Variants in DLX1 observed in about 807,000 individuals in gnomAD.
The protein encoded by DLX1 is distal-less homeobox 1.
In DLX1, 7 loss-of-function variants were observed where a neutral mutation model predicts 25.0. The observed-to-expected ratio is 0.28, with a 90% CI of 0.16 to 0.52. The LOEUF (loss-of-function observed/expected upper bound fraction) is 0.52. DLX1 is among the 20% of genes least tolerant of loss of function. The probability of loss-of-function intolerance (pLI) is 0.96; values close to 1 mark genes in which losing one functional copy is unlikely to be tolerated. For missense variants in DLX1, 233 were observed against 334.4 expected (o/e 0.70, Z 2.37); for synonymous variants, 155 against 140.3 (o/e 1.10, Z -0.74).
At chr2:172,087,447 C>T in intron 2 of DLX1, 1 of 448,786 alleles carries the variant, frequency 2.2e-6, no homozygotes, top group Non-Finnish European at 4.5e-6. Flanking sequence ...TGGAGCAGAG[C>T]TGGAGAAAGC....
chr2:172,087,563 A>T (rs1308093805), intron 2 of DLX1: 3 of 464,302 alleles, frequency 6.5e-6, no homozygotes, highest in South Asian at 4.6e-5. Flanking sequence ...GATGGCGCAT[A>T]GAAAAGTTGG....
rs895892740 is a variant in DLX1, at chr2:172,087,118, A to G, written c.513+265A>G. 4.2e-5 allele frequency: 29 copies of G among 684,748 alleles called. No homozygotes were observed. The African/African-American group carries it at 4.4e-4, about 10-fold the overall frequency. The allele number at this position is 684,748 out of a possible 1,614,324, so 42.4% of individuals were successfully genotyped here. On this transcript the variant is annotated intron_variant, in intron 2 of 2. Transcript: ENST00000361725. ...ATTAGGGCGCAGGAAGGATTTCCCC[A>G]GACGATTTGTTTGGGAACTCAGAGG...
chr2:172,086,562 C>A, intron 1 of DLX1, 92 bp from the exon 2 acceptor site: 1 of 1,277,636 alleles, frequency 7.8e-7, no homozygotes, highest in Non-Finnish European at 1.1e-6. Context: ...GTGCTGCCTC[C>A]GCCACCCTTC....
intron 1 of DLX1, 133 bp from the exon 2 acceptor site, chr2:172,086,521 C>T (rs1690841947): frequency 1.1e-6 from 1 of 906,926 alleles, no homozygotes; most frequent in Admixed American, 3.2e-5. Flanking sequence ...CCTTCCCTGG[C>T]TTTCAGAGTT....
At position 172,085,849 on chromosome 2, in the gene DLX1, A is replaced by G. The variant is rs1489680807; in HGVS notation, c.172A>G (p.Ser58Gly). The G allele has an allele frequency of 6.2e-7, 1 of 1,614,202 alleles. No homozygotes were observed. The highest frequency in any genetic ancestry group is 1.1e-5 in the South Asian group (1 of 91,090). Residue 58 changes from serine to glycine, a missense_variant, in exon 1 of 3, where the codon AGC becomes GGC. Around this residue, in one of 3 missense-constraint regions of DLX1, gnomAD observed 126 missense variants for 170.4 expected, o/e 0.74. Transcript: ENST00000361725. This position sits in a 1 kb window ranked among gnomAD's most constrained non-coding sequence, Gnocchi z 4.3. ...AGHSQPDGAY[S>G]SASSFSRPLG... ...CCATTCGCAGCCCGACGGCGCCTAC[A>G]GCTCAGCCTCGTCCTTCTCCCGACC...
At chr2:172,087,895 G>A (rs1009487315) in intron 2 of DLX1, 108 bp from the exon 3 acceptor site, 1 of 1,439,486 alleles carries the variant, frequency 6.9e-7, no homozygotes, top group Admixed American at 2.3e-5. Context: ...AGCTGGCGCA[G>A]GGTTGGGAGG....
chr2:172,087,691 A>G (rs1429723309), intron 2 of DLX1: 2 of 591,666 alleles, frequency 3.4e-6, no homozygotes, highest in Non-Finnish European at 6.4e-6. Context: ...CGCAGGCGGT[A>G]GCCACGGTCG....
chr2:172,089,448 T>G lies in DLX1; in HGVS notation c.*1191T>G, dbSNP rs1380021411. ...ACAAGCTTAGCCTTTTTGCGTTCTGTTGTGTGTGGCTGTAAAACCCCATGC... is the reference window on the plus strand; with the variant it reads ...ACAAGCTTAGCCTTTTTGCGTTCTGGTGTGTGTGGCTGTAAAACCCCATGC... On this transcript the variant is annotated 3_prime_UTR_variant, in exon 3 of 3. Coordinates refer to ENST00000361725, the MANE Select transcript of DLX1 (RefSeq NM_178120.5). 6.6e-6 allele frequency: 1 copy of G among 152,634 alleles called. No homozygotes were observed. The highest frequency in any genetic ancestry group is 1.5e-5 in the Non-Finnish European group (1 of 68,036). The allele number at this position is 152,634 out of a possible 1,614,324, so 9.5% of individuals were successfully genotyped here. A position where few individuals can be genotyped will look rare whatever the true frequency, so the allele number is the denominator to read the frequency against.
intron 2 of DLX1, 78 bp downstream of exon 2, chr2:172,086,931 C>A: frequency 6.9e-7 from 1 of 1,457,818 alleles, no homozygotes; most frequent in Non-Finnish European, 9.6e-7. Context: ...ATTTGTTGCT[C>A]GCTGGGACTC....
rs2105523014 is a variant in DLX1, at chr2:172,089,555, C to G, written c.*1298C>G. 1 of 152,654 alleles carries G rather than the reference C, an allele frequency of 6.6e-6. No individual in the cohort carries two copies. Among genetic ancestry groups the G allele is most frequent in the Admixed American group, 6.5e-5 (1 of 15,290 alleles). The allele number at this position is 152,654 out of a possible 1,614,324, so 9.5% of individuals were successfully genotyped here. ...TGAAATCAACTGTGTTTTGTGTTCT[C>G]TATGTCAAAGTTTAGTTTTATATTG... is the stretch of plus-strand genomic sequence containing the variant. On this transcript the variant is annotated 3_prime_UTR_variant, in exon 3 of 3. Coordinates refer to ENST00000361725, the MANE Select transcript of DLX1 (RefSeq NM_178120.5).
At position 172,088,749 on chromosome 2, in the gene DLX1, C is replaced by T. The variant is rs1407367281; in HGVS notation, c.*492C>T. The T allele has an allele frequency of 6.5e-6, 1 of 152,996 alleles. No homozygotes were observed. The highest frequency in any genetic ancestry group is 1.9e-4 in the East Asian group (1 of 5,210). The allele number at this position is 152,996 out of a possible 1,614,324, so 9.5% of individuals were successfully genotyped here. On this transcript the variant is annotated 3_prime_UTR_variant, in exon 3 of 3. Transcript: ENST00000361725. The stretch of plus-strand genomic sequence containing the variant: ...GCCACAAGGTCTGAGCGGCCCGGGT[C>T]CTGCCGGGCTGACCATCTCCGGATC...
chr2:172,086,225 G>A, intron 1 of DLX1: 1 of 570,258 alleles, frequency 1.8e-6, no homozygotes, highest in Non-Finnish European at 3.1e-6. Flanking sequence ...TCCAGCCAAG[G>A]ATAAATCCCA....
At chr2:172,087,171 T>C in intron 2 of DLX1, 2 of 588,466 alleles carry the variant, frequency 3.4e-6, no homozygotes, top group East Asian at 3.8e-5. Context: ...ACTGGAACAA[T>C]AGACTCCGGG....
chr2:172,087,480 G>A (rs528847827), intron 2 of DLX1: 2 of 457,474 alleles, frequency 4.4e-6, no homozygotes, highest in South Asian at 1.5e-5. Flanking sequence ...GTGCAAGAAT[G>A]GTTTTGAATC....
In DLX1 at chr2:172,088,092, C is replaced by T. The variant is rs541299088; in HGVS notation, c.603C>T (p.Asn201=). 13 of 1,594,388 alleles carry T rather than the reference C, an allele frequency of 8.2e-6. No individual in the cohort carries two copies. In the South Asian group the frequency reaches 1.1e-4, roughly 14 times the overall value. The change falls in exon 3 of 3, where the codon AAC becomes AAT. Residue 201 remains asparagine, a synonymous_variant. Coordinates refer to ENST00000361725, the MANE Select transcript of DLX1 (RefSeq NM_178120.5). ...GAALEGSALA[N]GRALSAGSPP... ...CTCTGGAGGGTAGTGCGTTGGCCAA[C>T]GGTCGGGCCCTGTCTGCTGGCTCCC...
At chr2:172,086,908 C>G (rs1559028368) in intron 2 of DLX1, 55 bp downstream of exon 2, 1 of 1,579,566 alleles carries the variant, frequency 6.3e-7, no homozygotes, top group African/African-American at 1.3e-5. Context: ...GGCCGGCCTG[C>G]GCCCGGGTCT....
Position 172,087,999 on chromosome 2 carries a change from G to T in DLX1, c.514-4G>T. On this transcript the variant is annotated splice_polypyrimidine_tract_variant and splice_region_variant and intron_variant, in intron 2 of 2. Coordinates refer to ENST00000361725, the MANE Select transcript of DLX1 (RefSeq NM_178120.5). Reference sequence around the variant, plus strand: ...CTGAGTCACGTTGTTGTCCGCTCTTGCAGGTCAAGATCTGGTTCCAAAACA... The same window carrying T: ...CTGAGTCACGTTGTTGTCCGCTCTTTCAGGTCAAGATCTGGTTCCAAAACA... The T allele has an allele frequency of 2.7e-6, 4 of 1,507,660 alleles. No homozygotes were observed. The highest frequency in any genetic ancestry group is 3.5e-6 in the Non-Finnish European group (4 of 1,128,502). The allele number at this position is 1,507,660 out of a possible 1,614,324, so 93.4% of individuals were successfully genotyped here.
In DLX1 at chr2:172,085,586, A is replaced by G; in HGVS notation, c.-92A>G. ...GAAAGTGAAAACCCCTGTTCCGCTT[A>G]AATTGGGTTCCTTCCTGTCCTGAGA... On this transcript the variant is annotated 5_prime_UTR_variant, in exon 1 of 3. The change abolishes the stop of an existing upstream ORF in the 5' untranslated region. Transcript: ENST00000361725. The surrounding 1 kb of genome is among the most constrained non-coding windows in gnomAD (Gnocchi z 4.3). 2 of 1,346,418 alleles carry G rather than the reference A, an allele frequency of 1.5e-6. No individual in the cohort carries two copies. The highest frequency in any genetic ancestry group is 2.8e-5 in the South Asian group (2 of 71,658). 83.4% of individuals were successfully genotyped at this position (1,346,418 alleles called of 1,614,324 possible).
chr2:172,086,349 T>G, intron 1 of DLX1: 2 of 468,110 alleles, frequency 4.3e-6, no homozygotes, highest in Non-Finnish European at 7.5e-6. Flanking sequence ...TAATTATTTA[T>G]TGCGTAGCGC....
Sources: allele counts gnomAD v4.1 joint callset, GRCh38; gene constraint gnomAD v4.1.1; regional missense constraint gnomAD v4.1.1; non-coding constraint Gnocchi (gnomAD v3.1); transcripts MANE v1.5; gene names NCBI Gene and HGNC (gene_info 2026-07-23, HGNC 2026-07-21).